ADAM10: variants seen among roughly 807,000 people sequenced by gnomAD.
ADAM10 encodes the protein disintegrin and metalloproteinase domain-containing protein 10.
ADAM10 carries 17 observed loss-of-function variants against 90.1 expected under a neutral mutation model. The ratio of observed to expected loss-of-function variants is 0.19; its 90% CI spans 0.13 to 0.28. The LOEUF (loss-of-function observed/expected upper bound fraction) is 0.28, where lower values mean the gene tolerates loss of function less well. Among genes scored for constraint, ADAM10 ranks in the 10% least tolerant of loss-of-function variants. ADAM10 has a pLI of 1.00. For missense variants in ADAM10, 610 were observed against 914.3 expected (o/e 0.67, Z 4.29); for synonymous variants, 310 against 298.6 (o/e 1.04, Z -0.40).
At chr15:58,635,156 C>A (rs1896213685) in intron 8 of ADAM10, among the ~76,000 whole-genome samples, 1 of 150,212 alleles carries the variant, frequency 6.7e-6, no homozygotes, top group South Asian at 2.1e-4. Flanking sequence ...GTGCCTGTAG[C>A]CCCAGCTACT....
chr15:58,653,476 G>A (rs187893827), intron 5 of ADAM10, among the ~76,000 whole-genome samples: 39 of 152,212 alleles, frequency 2.6e-4, no homozygotes, highest in Middle Eastern at 3.4e-3. Flanking sequence ...TGAAATTATC[G>A]TATAAGTTTT....
intron 5 of ADAM10, among the ~76,000 whole-genome samples, chr15:58,646,469 T>C (rs1896551919): frequency 6.6e-6 from 1 of 152,188 alleles, no homozygotes; most frequent in African/African-American, 2.4e-5. Context: ...CTAAAGCAAG[T>C]TGTATAATAG....
chr15:58,669,119 C>T (rs1422180502), intron 4 of ADAM10, among the ~76,000 whole-genome samples: 1 of 152,044 alleles, frequency 6.6e-6, no homozygotes, highest in Non-Finnish European at 1.5e-5. Context: ...TTATTATATA[C>T]CAAACAAAGG....
At position 58,633,367 on chromosome 15, in the gene ADAM10, A is replaced by G. The variant is rs183295010; in HGVS notation, c.1013-8T>C. The G allele has an allele frequency of 2.1e-4, 331 of 1,613,050 alleles. No individual in the cohort carries two copies. The African/African-American group carries it at 3.9e-3, about 19-fold the overall frequency. On this transcript the variant is annotated splice_region_variant and splice_polypyrimidine_tract_variant and intron_variant, in intron 8 of 15. Transcript: ENST00000260408. Reference sequence around the variant, plus strand: ...ATATTCCTCCAGAGCTTCCTAATCCAGAACAAAAAAATGGCTAAATTAGTA... The same window carrying G: ...ATATTCCTCCAGAGCTTCCTAATCCGGAACAAAAAAATGGCTAAATTAGTA...
At chr15:58,661,186 C>G (rs1465651934) in intron 5 of ADAM10, among the ~76,000 whole-genome samples, 1 of 152,110 alleles carries the variant, frequency 6.6e-6, no homozygotes, top group Non-Finnish European at 1.5e-5. Context: ...AGGTAATAAT[C>G]TCTTGAAGGT....
intron 1 of ADAM10, among the ~76,000 whole-genome samples, chr15:58,729,175 T>C (rs924585224): frequency 3.3e-5 from 5 of 151,976 alleles, no homozygotes; most frequent in African/African-American, 7.3e-5. Flanking sequence ...CTGGGCAACA[T>C]AGCGAGACCC....
At chr15:58,747,735 T>G (rs531882000) in intron 1 of ADAM10, 1 of 152,332 alleles carries the variant, frequency 6.6e-6, no homozygotes, top group African/African-American at 2.4e-5. Context: ...TAAAGGACTC[T>G]GGAAATATGA....
At chr15:58,730,488 T>G (rs576846007) in intron 1 of ADAM10, among the ~76,000 whole-genome samples, 6 of 151,536 alleles carry the variant, frequency 4.0e-5, no homozygotes, top group Admixed American at 3.3e-4. Flanking sequence ...AAACACTTAG[T>G]TTCATCCTAC....
rs1894909543 is a variant in ADAM10 at position 58,594,858 on chromosome 15, C to T, written c.*2689G>A. On this transcript the variant is annotated 3_prime_UTR_variant, in exon 16 of 16. Transcript: ENST00000260408. The stretch of plus-strand genomic sequence containing the variant: ...TAACAAAGTAATTCACAAAGTATTA[C>T]ATATTTACTCATTTAACAAGTATTA... The T allele has an allele frequency of 6.6e-6, 1 of 152,040 alleles. No individual in the cohort carries two copies. The highest frequency in any genetic ancestry group is 6.6e-5 in the Admixed American group (1 of 15,264). 9.4% of individuals were successfully genotyped at this position (152,040 alleles called of 1,614,324 possible).
chr15:58,689,759 T>C (rs1021001017), intron 2 of ADAM10, among the ~76,000 whole-genome samples: 3 of 151,982 alleles, frequency 2.0e-5, no homozygotes, highest in South Asian at 2.1e-4. Flanking sequence ...TCACAAAATA[T>C]AGAAAATCTG....
At chr15:58,680,346 C>G (rs1194747495) in intron 3 of ADAM10, among the ~76,000 whole-genome samples, 3 of 152,294 alleles carry the variant, frequency 2.0e-5, no homozygotes, top group Admixed American at 2.0e-4. Flanking sequence ...TGGTCTGGAA[C>G]TCCTGGGCTC....
At chr15:58,638,605 A>G (rs994139169) in intron 8 of ADAM10, among the ~76,000 whole-genome samples, 47 of 128,022 alleles carry the variant, frequency 3.7e-4, no homozygotes, top group Non-Finnish European at 5.0e-4. Flanking sequence ...ACAGAGCAAC[A>G]CTCTGTCTCA....
chr15:58,597,604 C>T lies in ADAM10; in HGVS notation c.2190G>A (p.Gln730=), dbSNP rs751472181. ...CTCGGGGCCGCTGACGCTGGGGTTG[C>T]TGAATGGGCTGTGGAGGTCTCCTCC... ...LKRRRPPQPI[Q]QPQRQRPRES... is the part of the protein sequence containing the mutation. The change falls in exon 16 of 16, where the codon CAG becomes CAA. Residue 730 remains glutamine (Q), a synonymous_variant. Coordinates refer to ENST00000260408, the MANE Select transcript of ADAM10 (RefSeq NM_001110.4). 1 of 1,614,056 alleles carries T rather than the reference C, an allele frequency of 6.2e-7. No homozygotes were observed. Among genetic ancestry groups the T allele is most frequent in the South Asian group, 1.1e-5 (1 of 91,080 alleles).
At chr15:58,667,343 G>A (rs1042110549) in intron 4 of ADAM10, among the ~76,000 whole-genome samples, 12 of 152,102 alleles carry the variant, frequency 7.9e-5, no homozygotes, top group Non-Finnish European at 1.5e-4. Flanking sequence ...CTCTTTCAAG[G>A]AGGAATATTT....
chr15:58,698,283 A>C, intron 2 of ADAM10: 1 of 451,684 alleles, frequency 2.2e-6, no homozygotes, highest in Non-Finnish European at 4.4e-6. Context: ...AATTTACCAA[A>C]GACAGATATC....
intron 4 of ADAM10, among the ~76,000 whole-genome samples, chr15:58,668,474 T>C (rs1400280611): frequency 6.6e-6 from 1 of 152,116 alleles, no homozygotes; most frequent in Non-Finnish European, 1.5e-5. Context: ...CTGTGACAAC[T>C]GAAAAGAAAT....
chr15:58,682,136 A>G, intron 3 of ADAM10, 60 bp downstream of exon 3: 1 of 1,595,854 alleles, frequency 6.3e-7, no homozygotes, highest in South Asian at 1.1e-5. Flanking sequence ...CTTCAAAATG[A>G]GTATCTTTGT....
At chr15:58,604,624 C>T (rs918922033) in intron 14 of ADAM10, among the ~76,000 whole-genome samples, 6 of 152,196 alleles carry the variant, frequency 3.9e-5, no homozygotes, top group African/African-American at 1.4e-4. Flanking sequence ...TAACTAACAG[C>T]TCATTTATTA....
At chr15:58,597,793 CAATAA>C (rs1894998488) in intron 15 of ADAM10, 152 bp from the exon 16 acceptor site, 1 of 649,766 alleles carries the variant, frequency 1.5e-6, no homozygotes, top group South Asian at 3.4e-5. Flanking sequence ...CTGATAGCCA[CAATAA>C]AAAAGGTTTA....
Sources: gnomAD v4.1 joint callset for allele counts (sites outside exome capture counted in the v4.1 genomes callset) on GRCh38, gnomAD v4.1.1 for gene constraint, MANE v1.5 for transcripts, NCBI Gene and HGNC (gene_info 2026-07-23, HGNC 2026-07-21) for gene names.